The following IL10RB variants were observed in gnomAD, a reference collection of about 807,000 sequenced individuals.
IL10RB encodes the protein interleukin-10 receptor subunit beta.
Under a neutral mutation model 38.7 loss-of-function variants are expected in IL10RB, and 30 were observed. The observed-to-expected ratio is 0.78, with a 90% CI of 0.58 to 1.05. The LOEUF is 1.05. Among genes scored for constraint, IL10RB ranks in the 50% least tolerant of loss-of-function variants. The pLI is 0.00. For synonymous variants in IL10RB, 142 were observed against 145.9 expected, an observed-to-expected ratio of 0.97 and a Z score of 0.19; for missense variants, 328 against 397.1, an observed-to-expected ratio of 0.83 and a Z score of 1.48.
At chr21:33,300,111 C>T (rs1417944662), downstream of IL10RB, among the ~76,000 whole-genome samples, 1 of 152,130 alleles carries the variant, frequency 6.6e-6, no homozygotes, top group Non-Finnish European at 1.5e-5. Flanking sequence ...TCCTAAGTAG[C>T]TGGTACAAAG....
chr21:33,279,600 C>T (rs8178490), intron 3 of IL10RB, 152 bp from the exon 4 acceptor site: 8,100 of 705,136 alleles, frequency 0.011, 386 homozygotes, highest in African/African-American at 0.11. Context: ...AATCCAACTA[C>T]CCTTCTTAGC....
At chr21:33,275,152 CTTTTTTTTTTT>C (rs71320298) in intron 2 of IL10RB, among the ~76,000 whole-genome samples, 44 of 102,284 alleles carry the variant, frequency 4.3e-4, no homozygotes, top group Non-Finnish European at 5.3e-4. Context: ...TCCAACTTTT[CTTTTTTTTTTT>C]TTTTTTTTTT....
intron 2 of IL10RB, 77 bp from the exon 3 acceptor site, chr21:33,276,519 C>G: frequency 8.1e-7 from 1 of 1,234,634 alleles, no homozygotes; most frequent in South Asian, 1.2e-5. Flanking sequence ...GCCCCCCCCT[C>G]CAAATTAAGT....
At chr21:33,268,283 G>A (rs1438029102) in intron 1 of IL10RB, 111 bp from the exon 2 acceptor site, 10 of 1,577,520 alleles carry the variant, frequency 6.3e-6, no homozygotes, top group Non-Finnish European at 8.6e-6. Flanking sequence ...CACCCACGTG[G>A]CCTTTGAAGA....
At chr21:33,294,338 CCTACA>C (rs1275799056) in intron 6 of IL10RB, among the ~76,000 whole-genome samples, 1 of 151,836 alleles carries the variant, frequency 6.6e-6, no homozygotes, top group East Asian at 1.9e-4. Flanking sequence ...GGAGGTTCAT[CCTACA>C]CTGATCTATT....
chr21:33,309,775 CT>C (rs1446126275), exon 2 of IL10RB: 1 of 152,190 alleles, frequency 6.6e-6, no homozygotes, highest in Non-Finnish European at 1.5e-5. Context: ...GAGTTACTAC[CT>C]CTACTACATG....
chr21:33,284,123 C>CTT (rs2123585960), intron 5 of IL10RB, among the ~76,000 whole-genome samples: 1 of 152,136 alleles, frequency 6.6e-6, no homozygotes, highest in Admixed American at 6.5e-5. Flanking sequence ...TGGCAAAACC[C>CTT]TGTCTCTACC....
chr21:33,284,493 G>C (rs1241214910), intron 5 of IL10RB, among the ~76,000 whole-genome samples: 2 of 152,108 alleles, frequency 1.3e-5, no homozygotes, highest in Non-Finnish European at 2.9e-5. Context: ...TTCAATGAGA[G>C]CATTAGAAGG....
chr21:33,274,554 T>C (rs1219993060), intron 2 of IL10RB, among the ~76,000 whole-genome samples: 1 of 152,218 alleles, frequency 6.6e-6, no homozygotes, highest in African/African-American at 2.4e-5. Context: ...GATGTTGTGT[T>C]AGCAGGCATG....
intron 5 of IL10RB, 87 bp from the exon 6 acceptor site, chr21:33,288,007 AGGCTCTGTTT>A (rs1250140580): frequency 1.7e-6 from 2 of 1,169,538 alleles, no homozygotes; most frequent in African/African-American, 3.0e-5. Flanking sequence ...ATAAACGTAC[AGGCTCTGTTT>A]TCAGGGATTG....
downstream of IL10RB, among the ~76,000 whole-genome samples, chr21:33,300,215 G>A (rs904010237): frequency 6.6e-6 from 1 of 152,170 alleles, no homozygotes; most frequent in African/African-American, 2.4e-5. Flanking sequence ...CGAGGTGGGT[G>A]GATCACCTGA....
chr21:33,290,118 A>C (rs1021380607), intron 6 of IL10RB, among the ~76,000 whole-genome samples: 12 of 150,758 alleles, frequency 8.0e-5, no homozygotes, highest in African/African-American at 2.9e-4. Context: ...CGTCTCAAAA[A>C]AAAAAAATAC....
intron 2 of IL10RB, 86 bp from the exon 3 acceptor site, chr21:33,276,510 C>A: frequency 9.7e-7 from 1 of 1,029,500 alleles, no homozygotes; most frequent in Non-Finnish European, 1.5e-6. Flanking sequence ...TCCCGCGCCG[C>A]CCCCCCCTCC....
chr21:33,295,537 T>C (rs8178560), intron 6 of IL10RB, among the ~76,000 whole-genome samples: 2,547 of 148,308 alleles, frequency 0.017, 79 homozygotes, highest in African/African-American at 0.059. Flanking sequence ...CCAGGCATGG[T>C]GGCGGGCACC....
intron 4 of IL10RB, among the ~76,000 whole-genome samples, chr21:33,282,863 G>A (rs1989304549): frequency 6.6e-6 from 1 of 152,140 alleles, no homozygotes; most frequent in Admixed American, 6.5e-5. Flanking sequence ...GATGGCTTGT[G>A]TGTCATTTAA....
downstream of IL10RB, among the ~76,000 whole-genome samples, chr21:33,301,193 A>G (rs2082984972): frequency 6.6e-6 from 1 of 152,136 alleles, no homozygotes; most frequent in South Asian, 2.1e-4. Context: ...TAAAAAACAA[A>G]CGGGAAGTAA....
intron 6 of IL10RB, chr21:33,293,880 GC>G: frequency 4.8e-6 from 2 of 413,318 alleles, no homozygotes; most frequent in South Asian, 3.7e-5. Context: ...CTTTTGAGAA[GC>G]CACAGCTGCA....
At chr21:33,290,041 G>T (rs1989454475) in intron 6 of IL10RB, among the ~76,000 whole-genome samples, 1 of 152,138 alleles carries the variant, frequency 6.6e-6, no homozygotes, top group Non-Finnish European at 1.5e-5. Flanking sequence ...GTGAACCCGG[G>T]AGGCGGAGCT....
chr21:33,300,226 G>A (rs1416666097), downstream of IL10RB, among the ~76,000 whole-genome samples: 2 of 152,166 alleles, frequency 1.3e-5, no homozygotes, highest in Non-Finnish European at 2.9e-5. Context: ...GATCACCTGA[G>A]GTCAGGAGTT....
Sources: gnomAD v4.1 joint callset for allele counts (sites outside exome capture counted in the v4.1 genomes callset) on GRCh38, gnomAD v4.1.1 for gene constraint, MANE v1.5 for transcripts, NCBI Gene and HGNC (gene_info 2026-07-23, HGNC 2026-07-21) for gene names.